Variants in INTU observed in about 807,000 individuals in gnomAD.
The protein encoded by INTU is inturned planar cell polarity protein.
Under a neutral mutation model 100.5 loss-of-function variants are expected in INTU, and 68 were observed. That is an observed-to-expected ratio of 0.68 (90% CI 0.56 to 0.83). INTU has a LOEUF of 0.83. Among genes scored for constraint, INTU ranks in the 40% least tolerant of loss-of-function variants. The pLI, the probability that INTU is intolerant of heterozygous loss-of-function variation, is 0.00. For missense variants in INTU, 1,071 were observed against 1,114.7 expected (o/e 0.96, Z 0.56); for synonymous variants, 357 against 395.7 (o/e 0.90, Z 1.16).
chr4:127,711,898 G>T (rs1342701252), intron 14 of INTU, among the ~76,000 whole-genome samples: 1 of 152,114 alleles, frequency 6.6e-6, no homozygotes, highest in Non-Finnish European at 1.5e-5. Context: ...TTTCTATCCA[G>T]GATGAAGTTT....
chr4:127,683,706 C>G (rs895875551), intron 6 of INTU: 1 of 152,146 alleles, frequency 6.6e-6, no homozygotes, highest in Non-Finnish European at 1.5e-5. Context: ...ATAGCGGAAA[C>G]CTAACCAGGA....
intron 8 of INTU, among the ~76,000 whole-genome samples, chr4:127,688,799 C>T (rs1729954173): frequency 6.6e-6 from 1 of 151,990 alleles, no homozygotes; most frequent in Non-Finnish European, 1.5e-5. Flanking sequence ...GTTATGGGAG[C>T]ATTATTATAC....
chr4:127,709,430 C>A (rs1043826022), intron 13 of INTU, among the ~76,000 whole-genome samples: 13 of 152,146 alleles, frequency 8.5e-5, no homozygotes, highest in African/African-American at 2.7e-4. Context: ...TGTCCCATAA[C>A]ACTCTCTTTA....
intron 6 of INTU, among the ~76,000 whole-genome samples, chr4:127,674,792 A>C (rs1243718494): frequency 6.6e-6 from 1 of 152,180 alleles, no homozygotes; most frequent in Non-Finnish European, 1.5e-5. Context: ...GGACTGCATT[A>C]GGTACTTTAT....
At chr4:127,687,475 T>C (rs1283119885) in intron 7 of INTU, 3 of 374,412 alleles carry the variant, frequency 8.0e-6, no homozygotes, top group African/African-American at 4.1e-5. Flanking sequence ...CACTTGAGAG[T>C]AGGTTTTAGG....
chr4:127,697,146 A>G (rs1730428565), intron 8 of INTU, among the ~76,000 whole-genome samples: 4 of 152,190 alleles, frequency 2.6e-5, no homozygotes, highest in African/African-American at 7.2e-5. Context: ...TATTTCACAT[A>G]TCATAGAATT....
chr4:127,635,787 G>A (rs1727041551), intron 1 of INTU, among the ~76,000 whole-genome samples: 2 of 152,176 alleles, frequency 1.3e-5, no homozygotes, highest in Admixed American at 6.5e-5. Flanking sequence ...GTCTCCCCAT[G>A]TACCTACTTA....
At chr4:127,678,074 A>C (rs1340601285) in intron 6 of INTU, among the ~76,000 whole-genome samples, 1 of 152,196 alleles carries the variant, frequency 6.6e-6, no homozygotes, top group African/African-American at 2.4e-5. Context: ...AGAAACAAAC[A>C]AAGCCTCCAA....
In INTU at chr4:127,708,715, C is replaced by T. The variant is rs761301918; in HGVS notation, c.2369+47C>T. On this transcript the variant is annotated intron_variant, in intron 13 of 15. Coordinates refer to ENST00000335251, the MANE Select transcript of INTU (RefSeq NM_015693.4). ...GTTCACTTAAACTCAGGAAGTTTTA[C>T]AGTGAGAAAGTACAATTTTATAACA... is the stretch of plus-strand genomic sequence containing the variant. 4.1e-6 allele frequency: 4 copies of T among 972,770 alleles called. No individual in the cohort carries two copies. The East Asian group carries it at 1.0e-4, about 24-fold the overall frequency. 60.3% of individuals were successfully genotyped at this position (972,770 alleles called of 1,614,324 possible).
At chr4:127,659,709 T>C (rs1728391345) in intron 3 of INTU, among the ~76,000 whole-genome samples, 1 of 152,172 alleles carries the variant, frequency 6.6e-6, no homozygotes, top group African/African-American at 2.4e-5. Flanking sequence ...AAGACTGATT[T>C]CATTTAGTAC....
intron 1 of INTU, among the ~76,000 whole-genome samples, chr4:127,634,737 G>A (rs1322375939): frequency 6.6e-6 from 1 of 152,098 alleles, no homozygotes. Context: ...ATGTTTTGCT[G>A]GTCTGTATTT....
rs144555061 is a variant in INTU, at chr4:127,698,066, G to C, written c.1450-1944G>C. ...ACCTGGGAGGCGGAGGTTGCGGTGA[G>C]CTGAGTTCATGCCATTTCACTCCAG... On this transcript the variant is annotated intron_variant, in intron 8 of 15. Transcript: ENST00000335251. 3.8e-3 allele frequency among the ~76,000 whole-genome samples: 581 copies of C among 152,324 alleles called. 6 individuals are homozygous for C. Among genetic ancestry groups the C allele is most frequent in the African/African-American group, 0.013 (553 of 41,578 alleles).
rs4834211 is a variant in INTU, at chr4:127,711,290, C to T, written c.2559+188C>T. Among the ~76,000 whole-genome samples, 85,060 of 151,986 alleles carry T rather than the reference C, an allele frequency of 0.56. 24,090 individuals are homozygous for T. Among genetic ancestry groups the T allele is most frequent in the Middle Eastern group, 0.68 (201 of 294 alleles). ...TTCAAGGTTTTATTTTATACTGAAT[C>T]TGATGTCTTGGGTTACTTTTCAGGA... On this transcript the variant is annotated intron_variant, in intron 14 of 15. Coordinates refer to ENST00000335251, the MANE Select transcript of INTU (RefSeq NM_015693.4).
intron 4 of INTU, among the ~76,000 whole-genome samples, chr4:127,665,332 A>C (rs1232039191): frequency 2.6e-5 from 4 of 151,372 alleles, no homozygotes; most frequent in Non-Finnish European, 5.9e-5. Context: ...ACCTAGTTTA[A>C]ATTTACAATT....
At chr4:127,713,561 G>A (rs910878701) in intron 14 of INTU, among the ~76,000 whole-genome samples, 4 of 152,132 alleles carry the variant, frequency 2.6e-5, no homozygotes, top group Non-Finnish European at 5.9e-5. Context: ...CTATGAACCA[G>A]GCACTGCTGG....
intron 3 of INTU, among the ~76,000 whole-genome samples, chr4:127,659,418 C>T (rs1728375566): frequency 6.6e-6 from 1 of 152,152 alleles, no homozygotes; most frequent in South Asian, 2.1e-4. Context: ...GCAATAGTGC[C>T]ATTAGGTGTG....
intron 2 of INTU, among the ~76,000 whole-genome samples, chr4:127,646,311 C>T (rs1727586194): frequency 6.6e-6 from 1 of 152,008 alleles, no homozygotes. Context: ...TAGGATAGAA[C>T]TAAATATCTC....
rs1355817148 is a variant in INTU, at chr4:127,714,105, A to G, written c.2717+12A>G. On this transcript the variant is annotated intron_variant, in intron 15 of 15. Transcript: ENST00000335251. ...TACTGGGTAGTAGGGTAAGTGAGAA[A>G]AAAAAGTATTTGAAAGTAAAGTGTT... The G allele has an allele frequency of 1.3e-6, 2 of 1,596,772 alleles. No individual in the cohort carries two copies. Among genetic ancestry groups the G allele is most frequent in the Non-Finnish European group, 1.7e-6 (2 of 1,174,506 alleles).
intron 6 of INTU, among the ~76,000 whole-genome samples, chr4:127,674,704 A>T (rs889611614): frequency 1.3e-5 from 2 of 152,170 alleles, no homozygotes; most frequent in African/African-American, 4.8e-5. Context: ...TTTTGTGAGT[A>T]TTTTGAAGTA....
Sources: allele counts gnomAD v4.1 joint callset (sites outside exome capture counted in the v4.1 genomes callset), GRCh38; gene constraint gnomAD v4.1.1; transcripts MANE v1.5; gene names NCBI Gene and HGNC (gene_info 2026-07-23, HGNC 2026-07-21).